Variants in NEK1 observed in about 807,000 individuals in gnomAD.
NEK1 encodes the protein NIMA related kinase 1, also known as serine/threonine-protein kinase Nek1.
Under a neutral mutation model 182.1 loss-of-function variants are expected in NEK1, and 137 were observed. The ratio of observed to expected loss-of-function variants is 0.75; its 90% CI spans 0.65 to 0.87. The LOEUF (loss-of-function observed/expected upper bound fraction) is 0.87. NEK1 is among the 40% of genes least tolerant of loss of function. The pLI is 0.00. For missense variants in NEK1, 1,391 were observed against 1,494.4 expected (o/e 0.93, Z 1.14); for synonymous variants, 513 against 492.2 (o/e 1.04, Z -0.56).
chr4:169,508,996 T>C, intron 19 of NEK1, 144 bp from the exon 20 acceptor site: 1 of 573,324 alleles, frequency 1.7e-6, no homozygotes, highest in Non-Finnish European at 2.9e-6. Context: ...AACCCTGGCG[T>C]TTTCCTATGT....
chr4:169,513,795 T>G (rs996608274), intron 19 of NEK1, among the ~76,000 whole-genome samples: 4 of 152,154 alleles, frequency 2.6e-5, no homozygotes, highest in Non-Finnish European at 5.9e-5. Flanking sequence ...GCTGATTTTT[T>G]TCAAAAGATT....
At chr4:169,437,229 T>A (rs1288809719) in intron 28 of NEK1, among the ~76,000 whole-genome samples, 4 of 152,172 alleles carry the variant, frequency 2.6e-5, no homozygotes, top group African/African-American at 9.7e-5. Flanking sequence ...ACTAATTTTT[T>A]TTTTTACTCA....
At position 169,452,897 on chromosome 4, in the gene NEK1, T is replaced by C. The variant is rs1343251632; in HGVS notation, c.2587+10346A>G. On this transcript the variant is annotated intron_variant, in intron 27 of 35. Transcript: ENST00000507142. ...TTGTCCCTGTTTGCAGATGACATGA[T>C]TGTATATTTAAAACCCTATCGTCTC... 4.4e-5 allele frequency among the ~76,000 whole-genome samples: 6 copies of C among 135,144 alleles called. No homozygotes were observed. The East Asian group carries it at 6.1e-4, about 14-fold the overall frequency. The allele number at this position is 135,144 out of a possible 152,430, so 88.7% of individuals were successfully genotyped here. A position where few individuals can be genotyped will look rare whatever the true frequency, so the allele number is the denominator to read the frequency against.
rs1745816380 is a variant in NEK1 at position 169,470,822 on chromosome 4, TTTCA to T, written c.2434+6298_2434+6301del. Reference sequence around the variant, plus strand: ...CTCGAAGGGTCTGTTGTTTGTTCCTTTTCATTCTTTTTTCTCTAATCTTGTCTTC... The same window carrying T: ...CTCGAAGGGTCTGTTGTTTGTTCCTTTTCTTTTTTCTCTAATCTTGTCTTC... On this transcript the variant is annotated intron_variant, in intron 26 of 35. Transcript: ENST00000507142. 2.6e-5 allele frequency among the ~76,000 whole-genome samples: 4 copies of T among 152,304 alleles called. 1 individual carries two copies. In the South Asian group the frequency reaches 8.3e-4, roughly 32 times the overall value.
At chr4:169,585,929 T>C (rs1434153281) in intron 9 of NEK1, among the ~76,000 whole-genome samples, 1 of 152,228 alleles carries the variant, frequency 6.6e-6, no homozygotes, top group Non-Finnish European at 1.5e-5. Context: ...AGTGCCTCTG[T>C]TGTAATGACT....
At chr4:169,442,561 A>G (rs1441306335) in intron 27 of NEK1, among the ~76,000 whole-genome samples, 2 of 152,236 alleles carry the variant, frequency 1.3e-5, no homozygotes, top group Admixed American at 1.3e-4. Flanking sequence ...GATACCTCCA[A>G]AAGAACACGG....
intron 19 of NEK1, among the ~76,000 whole-genome samples, chr4:169,515,291 G>C (rs2149723892): frequency 6.6e-6 from 1 of 152,236 alleles, no homozygotes; most frequent in East Asian, 1.9e-4. Flanking sequence ...GTGCAAATTA[G>C]ATCCTGGTGG....
rs146472805 is a variant in NEK1, at chr4:169,440,847, G to T, written c.2588-2588C>A. On this transcript the variant is annotated intron_variant, in intron 27 of 35. Transcript: ENST00000507142. ...GGAGTCAAAGTGATGCATTATTCTA[G>T]AGAGGAAGTTTGTGCTGGATCTCAC... is the stretch of plus-strand genomic sequence containing the variant. 6.4e-4 allele frequency among the ~76,000 whole-genome samples: 98 copies of T among 152,308 alleles called. 1 individual carries two copies. In the East Asian group the frequency reaches 0.019, roughly 29 times the overall value.
Position 169,577,072 on chromosome 4 carries a change from T to C in NEK1, c.876A>G (p.Arg292=). 1 of 1,613,542 alleles carries C rather than the reference T, an allele frequency of 6.2e-7. No individual in the cohort carries two copies. Among genetic ancestry groups the C allele is most frequent in the Non-Finnish European group, 8.5e-7 (1 of 1,179,702 alleles). The change falls in exon 12 of 36, where the codon AGA becomes AGG. Residue 292 remains arginine (R), a synonymous_variant. Transcript: ENST00000507142. ...AAATCGAGTTTTGTCCTGAAGCTGG[T>C]CTTTTAGCTAGATGAAAAGATACAA... is the stretch of plus-strand genomic sequence containing the variant. ...KFGSQPIPAK[R]PASGQNSISV...
At chr4:169,555,669 A>T (rs766590464) in intron 18 of NEK1, 51 bp downstream of exon 18, 1 of 1,611,996 alleles carries the variant, frequency 6.2e-7, no homozygotes, top group Non-Finnish European at 8.5e-7. Context: ...TATGTATGAC[A>T]AACGACAAAA....
intron 14 of NEK1, 31 bp downstream of exon 14, chr4:169,561,801 C>A (rs1762949269): frequency 1.2e-6 from 2 of 1,604,752 alleles, no homozygotes; most frequent in Admixed American, 3.4e-5. Flanking sequence ...AACAACTTGC[C>A]AAAGGTAGAA....
intron 23 of NEK1, among the ~76,000 whole-genome samples, chr4:169,497,489 G>C (rs1035941951): frequency 1.3e-5 from 2 of 152,092 alleles, no homozygotes; most frequent in African/African-American, 4.8e-5. Context: ...TCTTTTAATT[G>C]TGATGTTAGG....
At chr4:169,496,065 C>G (rs1016413940) in intron 23 of NEK1, among the ~76,000 whole-genome samples, 17 of 152,072 alleles carry the variant, frequency 1.1e-4, no homozygotes, top group Non-Finnish European at 2.4e-4. Context: ...TGTTTGTATC[C>G]CCTTTTATTT....
chr4:169,536,292 G>A (rs1348146984), intron 19 of NEK1, among the ~76,000 whole-genome samples: 3 of 113,124 alleles, frequency 2.7e-5, no homozygotes, highest in Non-Finnish European at 3.3e-5. Flanking sequence ...GTGAGAGTTT[G>A]TCTCAAAAAA....
chr4:169,518,520 A>T, intron 19 of NEK1, among the ~76,000 whole-genome samples: 2 of 92,296 alleles, frequency 2.2e-5, no homozygotes, highest in South Asian at 3.9e-4. Context: ...TTCTGCTCTG[A>T]TTTTAGTTAT....
intron 19 of NEK1, among the ~76,000 whole-genome samples, chr4:169,521,773 T>C (rs1473494352): frequency 6.6e-6 from 1 of 152,224 alleles, no homozygotes; most frequent in Non-Finnish European, 1.5e-5. Context: ...CTAAACTCCA[T>C]GGTTTCAGAT....
intron 23 of NEK1, among the ~76,000 whole-genome samples, chr4:169,500,930 G>C (rs1752316559): frequency 6.6e-6 from 1 of 152,084 alleles, no homozygotes. Context: ...AACATAAATG[G>C]CCTAAATGCT....
chr4:169,526,505 A>C (rs767300134), intron 19 of NEK1, among the ~76,000 whole-genome samples: 3 of 152,210 alleles, frequency 2.0e-5, no homozygotes, highest in Non-Finnish European at 2.9e-5. Flanking sequence ...AAAAACAAAA[A>C]TAAAAGTAAA....
rs562394915 is a variant in NEK1 at position 169,482,187 on chromosome 4, G to A, written c.2008-2653C>T. Among the ~76,000 whole-genome samples, 11 of 152,280 alleles carry A rather than the reference G, an allele frequency of 7.2e-5. No individual in the cohort carries two copies. In the South Asian group the frequency reaches 2.1e-3, roughly 29 times the overall value. On this transcript the variant is annotated intron_variant, in intron 23 of 35. Coordinates refer to ENST00000507142, the MANE Select transcript of NEK1 (RefSeq NM_001199397.3). ...TTGAGGAGAGTTAGGGCCTTGCTCTGGATTAGGCTTTGGCCAAAGAGAATG... is the reference window on the plus strand; with the variant it reads ...TTGAGGAGAGTTAGGGCCTTGCTCTAGATTAGGCTTTGGCCAAAGAGAATG...
Sources: allele counts gnomAD v4.1 joint callset (sites outside exome capture counted in the v4.1 genomes callset), GRCh38; gene constraint gnomAD v4.1.1; transcripts MANE v1.5; gene names NCBI Gene and HGNC (gene_info 2026-07-23, HGNC 2026-07-21).